The following CLSTN3 variants were observed in gnomAD, a reference collection of about 807,000 sequenced individuals.
CLSTN3 encodes the protein calsyntenin 3, also known as calsyntenin-3.
In CLSTN3, 36 loss-of-function variants were observed where a neutral mutation model predicts 95.9. That is an observed-to-expected ratio of 0.38 (90% CI 0.29 to 0.50). CLSTN3 has a LOEUF of 0.50. Ranked by LOEUF, CLSTN3 falls within the 20% of genes least tolerant of loss-of-function variation. The pLI, the probability that CLSTN3 is intolerant of heterozygous loss-of-function variation, is 0.95. For synonymous variants in CLSTN3, 481 were observed against 504.0 expected, an observed-to-expected ratio of 0.95 and a Z score of 0.61; for missense variants, 1,084 against 1,268.8, an observed-to-expected ratio of 0.85 and a Z score of 2.21.
chr12:7,129,629 T>C (rs1939240236), upstream of CLSTN3: 1 of 985,336 alleles, frequency 1.0e-6, no homozygotes, highest in Admixed American at 6.1e-5. The surrounding 1 kb of genome is among the most constrained non-coding windows in gnomAD (Gnocchi z 5.5). Context: ...GCCCATGCTT[T>C]CCAGATGTAT....
intron 16 of CLSTN3, chr12:7,156,353 C>T (rs1439388793): frequency 1.1e-5 from 5 of 456,022 alleles, no homozygotes; most frequent in Admixed American, 7.1e-5. Context: ...TGTGTGTGTG[C>T]AGGAGGCAGG....
intron 12 of CLSTN3, among the ~76,000 whole-genome samples, chr12:7,143,742 G>A (rs527283009): frequency 5.9e-5 from 9 of 152,194 alleles, no homozygotes; most frequent in Non-Finnish European, 1.0e-4. Context: ...GCAAGGTCAC[G>A]TACGATGGCC....
In CLSTN3 at chr12:7,158,069, A is replaced by G. The variant is rs896178486; in HGVS notation, c.2859A>G (p.Pro953=). ...AGAGACGCATCATCGAGACCCCCCCACACCGCTACTAAGGCCTACACCTCT... is the reference window on the plus strand; with the variant it reads ...AGAGACGCATCATCGAGACCCCCCCGCACCGCTACTAAGGCCTACACCTCT... ...SDERRIIETP[P]HRY The change falls in exon 18 of 18, where the codon CCA becomes CCG. Residue 953 remains proline, a synonymous_variant. Coordinates refer to ENST00000266546, the MANE Select transcript of CLSTN3 (RefSeq NM_014718.4). The G allele has an allele frequency of 5.9e-6, 9 of 1,534,322 alleles. No individual in the cohort carries two copies. The South Asian group carries it at 7.4e-5, about 13-fold the overall frequency.
At chr12:7,136,623 C>T (rs748227007) in intron 6 of CLSTN3, among the ~76,000 whole-genome samples, 82 of 152,294 alleles carry the variant, frequency 5.4e-4, no homozygotes, top group East Asian at 1.4e-3. Context: ...AATGGTAGGG[C>T]GAGATGAAGA....
In CLSTN3 at chr12:7,130,386, G is replaced by C. The variant is rs1041905544; in HGVS notation, c.-263G>C. ...TGCTGACGTCATCCTGCAGTAGCGG[G>C]GTTGGGGTGGGAGTGAGAGAGTGAG... is the stretch of plus-strand genomic sequence containing the variant. On this transcript the variant is annotated 5_prime_UTR_variant, in exon 1 of 18. Coordinates refer to ENST00000266546, the MANE Select transcript of CLSTN3 (RefSeq NM_014718.4). 1 of 1,421,624 alleles carries C rather than the reference G, an allele frequency of 7.0e-7. No individual in the cohort carries two copies. The highest frequency in any genetic ancestry group is 9.2e-7 in the Non-Finnish European group (1 of 1,089,494). 88.1% of individuals were successfully genotyped at this position (1,421,624 alleles called of 1,614,324 possible). A position where few individuals can be genotyped will look rare whatever the true frequency, so the allele number is the denominator to read the frequency against.
rs773792550 is a variant in CLSTN3 at position 7,153,852 on chromosome 12, T to G, written c.2527+2789T>G. On this transcript the variant is annotated intron_variant, in intron 16 of 17. Transcript: ENST00000266546. ...CTTGTTCTAGGAGCCCAGCACCTTC[T>G]CCCCTGAGTGTCCAGCTGCCCTGCA... Among the ~76,000 whole-genome samples, 20 of 152,272 alleles carry G rather than the reference T, an allele frequency of 1.3e-4. No individual in the cohort carries two copies. The East Asian group carries it at 3.1e-3, about 24-fold the overall frequency.
chr12:7,142,366 G>T (rs1312164722), intron 10 of CLSTN3, among the ~76,000 whole-genome samples: 5 of 152,112 alleles, frequency 3.3e-5, no homozygotes, highest in Admixed American at 2.6e-4. Flanking sequence ...GAAGAATGGG[G>T]CTCTCTTGGT....
chr12:7,139,321 T>C (rs1248161971), intron 8 of CLSTN3, among the ~76,000 whole-genome samples: 2 of 151,966 alleles, frequency 1.3e-5, no homozygotes, highest in African/African-American at 4.8e-5. Flanking sequence ...TGAGGGGAAA[T>C]TTAAGCCTAG....
chr12:7,150,653 G>C lies in CLSTN3; in HGVS notation c.2355G>C (p.Met785Ile), dbSNP rs774941023. 2 of 1,614,158 alleles carry C rather than the reference G, an allele frequency of 1.2e-6. No individual in the cohort carries two copies. Among genetic ancestry groups the C allele is most frequent in the Non-Finnish European group, 8.5e-7 (1 of 1,179,986 alleles). ...AGTTCCGGCTTTCCTGCTCGGAAATGAATGGCCGTTACTCCAGCAATGAAT... is the reference window on the plus strand; with the variant it reads ...AGTTCCGGCTTTCCTGCTCGGAAATCAATGGCCGTTACTCCAGCAATGAAT... ...TRKFRLSCSE[M>I]NGRYSSNEFI... Residue 785 changes from methionine to isoleucine, a missense_variant, in exon 15 of 18, where the codon ATG (methionine) becomes ATC (isoleucine). Physicochemically the swap from Met to Ile is conservative, Grantham distance 10. Coordinates refer to ENST00000266546, the MANE Select transcript of CLSTN3 (RefSeq NM_014718.4). This position sits in a 1 kb window ranked among gnomAD's most constrained non-coding sequence, Gnocchi z 4.0.
At chr12:7,140,041 A>G (rs545536844) in intron 8 of CLSTN3, among the ~76,000 whole-genome samples, 1 of 152,176 alleles carries the variant, frequency 6.6e-6, no homozygotes, top group African/African-American at 2.4e-5. Context: ...AACAGTCTTC[A>G]TGAAAGGGGT....
At chr12:7,135,267 A>G (rs1394584791) in intron 3 of CLSTN3, 60 bp from the exon 4 acceptor site, 11 of 1,514,520 alleles carry the variant, frequency 7.3e-6, no homozygotes, top group Non-Finnish European at 9.2e-6. Context: ...CTGTATCTCA[A>G]TGTATAATGT....
intron 16 of CLSTN3, among the ~76,000 whole-genome samples, chr12:7,153,704 T>C (rs1176380815): frequency 6.6e-6 from 1 of 152,208 alleles, no homozygotes; most frequent in African/African-American, 2.4e-5. Context: ...CCACTCAATC[T>C]TTTCTGGTTG....
At chr12:7,135,648 C>A in intron 4 of CLSTN3, 113 bp downstream of exon 4, 1 of 1,360,906 alleles carries the variant, frequency 7.3e-7, no homozygotes, top group Non-Finnish European at 1.0e-6. Context: ...TCACCTCACC[C>A]TTCTTCCCAA....
At chr12:7,153,191 T>C (rs778484723) in intron 16 of CLSTN3, among the ~76,000 whole-genome samples, 2 of 152,324 alleles carry the variant, frequency 1.3e-5, no homozygotes, top group African/African-American at 4.8e-5. Flanking sequence ...GGTCTTGTTC[T>C]GTCGCCTAGG....
chr12:7,135,342 G>A lies in CLSTN3; in HGVS notation c.399G>A (p.Val133=), dbSNP rs147467911. 53 of 1,613,982 alleles carry A rather than the reference G, an allele frequency of 3.3e-5. No individual in the cohort carries two copies. The highest frequency in any genetic ancestry group is 4.2e-5 in the Non-Finnish European group (50 of 1,179,996). Residue 133 remains valine, a synonymous_variant, in exon 4 of 18, where the codon GTG becomes GTA. Transcript: ENST00000266546. ...GCATATGCAGGGCCACTGTGCATGTGCGGGTCAACGATGTGAACGAGTTTG... is the reference window on the plus strand; with the variant it reads ...GCATATGCAGGGCCACTGTGCATGTACGGGTCAACGATGTGAACGAGTTTG... ...TKKSHKATVH[V]RVNDVNEFAP...
At chr12:7,132,193 T>C (rs892217420) in intron 1 of CLSTN3, among the ~76,000 whole-genome samples, 2 of 152,034 alleles carry the variant, frequency 1.3e-5, no homozygotes, top group Non-Finnish European at 2.9e-5. Context: ...AGATAAGAAC[T>C]GGGATTGAGT....
In CLSTN3 at chr12:7,149,129, G is replaced by T; in HGVS notation, c.2005G>T (p.Asp669Tyr). ...AACCAACGGCGTCCCTTTGTTCCCT[G>T]ATCTTCAAATCACCTGCTCCATTTC... is the stretch of plus-strand genomic sequence containing the variant. ...EGTNGVPLFPDLQITCSISHQ... is the reference protein window; with the variant it reads ...EGTNGVPLFPYLQITCSISHQ... Residue 669 changes from aspartate (D) to tyrosine (Y), a missense_variant, in exon 13 of 18, where the codon GAT becomes TAT. Transcript: ENST00000266546. This position sits in a 1 kb window ranked among gnomAD's most constrained non-coding sequence, Gnocchi z 4.5. 6.2e-7 allele frequency: 1 copy of T among 1,614,196 alleles called. No homozygotes were observed. The highest frequency in any genetic ancestry group is 8.5e-7 in the Non-Finnish European group (1 of 1,180,042).
intron 16 of CLSTN3, chr12:7,156,062 T>C (rs1939809640): frequency 8.4e-6 from 3 of 356,424 alleles, no homozygotes; most frequent in South Asian, 4.1e-5. Flanking sequence ...TGGAATGCGA[T>C]GTGTGTATTT....
At chr12:7,130,188 C>G (rs7135585), upstream of CLSTN3, 9 of 230,962 alleles carry the variant, frequency 3.9e-5, no homozygotes, top group African/African-American at 2.1e-4. Context: ...AGCTTCCTCC[C>G]CAGCCCCCGC....
Sources: gnomAD v4.1 joint callset for allele counts (sites outside exome capture counted in the v4.1 genomes callset) on GRCh38, gnomAD v4.1.1 for gene constraint, Gnocchi (gnomAD v3.1) non-coding constraint, MANE v1.5 for transcripts, NCBI Gene and HGNC (gene_info 2026-07-23, HGNC 2026-07-21) for gene names.